Variants in PLCB1 observed in about 807,000 individuals in gnomAD.
PLCB1 encodes the protein phospholipase C beta 1, also known as 1-phosphatidylinositol 4,5-bisphosphate phosphodiesterase beta-1.
Under a neutral mutation model 161.8 loss-of-function variants are expected in PLCB1, and 46 were observed. The ratio of observed to expected loss-of-function variants is 0.28; its 90% CI spans 0.22 to 0.36. The LOEUF is 0.36. Among genes scored for constraint, PLCB1 ranks in the 10% least tolerant of loss-of-function variants. The pLI is 1.00. For synonymous variants in PLCB1, 517 were observed against 503.7 expected, an observed-to-expected ratio of 1.03 and a Z score of -0.35; for missense variants, 1,016 against 1,472.5, an observed-to-expected ratio of 0.69 and a Z score of 5.07.
At chr20:8,780,896 T>A (rs1983185299) in intron 27 of PLCB1, among the ~76,000 whole-genome samples, 1 of 152,218 alleles carries the variant, frequency 6.6e-6, no homozygotes, top group Non-Finnish European at 1.5e-5. Context: ...AACAAGATAA[T>A]GCACCTAAAA....
chr20:8,663,786 A>G (rs992517263), intron 9 of PLCB1, among the ~76,000 whole-genome samples: 30 of 152,132 alleles, frequency 2.0e-4, no homozygotes, highest in African/African-American at 7.2e-4. Flanking sequence ...TTTCCTTTCC[A>G]TCTTGTTTGC....
chr20:8,458,738 A>G (rs1981440207), intron 3 of PLCB1, among the ~76,000 whole-genome samples: 1 of 152,236 alleles, frequency 6.6e-6, no homozygotes, highest in African/African-American at 2.4e-5. Flanking sequence ...TGGACTCTTA[A>G]GTAAGTTCTT....
chr20:8,159,937 A>G (rs2051603904), intron 2 of PLCB1, among the ~76,000 whole-genome samples: 1 of 150,888 alleles, frequency 6.6e-6, no homozygotes. Context: ...GCAGTGAGCC[A>G]AGATCGTGCC....
chr20:8,769,831 A>T (rs953566845), intron 26 of PLCB1, among the ~76,000 whole-genome samples: 10 of 152,354 alleles, frequency 6.6e-5, no homozygotes, highest in African/African-American at 2.2e-4. Flanking sequence ...ATGCCAAGTT[A>T]TAGAGATAAG....
At chr20:8,240,351 T>A (rs1014191237) in intron 2 of PLCB1, among the ~76,000 whole-genome samples, 1 of 151,870 alleles carries the variant, frequency 6.6e-6, no homozygotes, top group Non-Finnish European at 1.5e-5. Flanking sequence ...TAATGTATGT[T>A]CAATACATAG....
intron 10 of PLCB1, among the ~76,000 whole-genome samples, chr20:8,687,204 T>C (rs1240609896): frequency 1.3e-5 from 2 of 152,046 alleles, no homozygotes; most frequent in Non-Finnish European, 2.9e-5. Flanking sequence ...TTTTTATTTC[T>C]TGTAAAGACA....
chr20:8,844,881 C>T (rs943257724), intron 31 of PLCB1, among the ~76,000 whole-genome samples: 13 of 151,948 alleles, frequency 8.6e-5, no homozygotes, highest in Non-Finnish European at 1.6e-4. Flanking sequence ...GAGGCCGAGG[C>T]GGGCGGATCA....
intron 3 of PLCB1, among the ~76,000 whole-genome samples, chr20:8,595,467 A>G (rs1257742627): frequency 1.8e-5 from 2 of 114,254 alleles, no homozygotes; most frequent in Non-Finnish European, 1.8e-5. Flanking sequence ...TCCATGGTGT[A>G]TATGTGCCAC....
chr20:8,606,349 C>A (rs983420199), intron 3 of PLCB1, among the ~76,000 whole-genome samples: 1 of 152,072 alleles, frequency 6.6e-6, no homozygotes, highest in Non-Finnish European at 1.5e-5. Context: ...CAACCAGGAG[C>A]ATAAACAGAG....
chr20:8,584,330 T>G lies in PLCB1; in HGVS notation c.247-43964T>G, dbSNP rs936291802. ...ATTACGTCAAACTCAAACATAGGTTTCAAAACCAGGACTTGTGCATACTTC... is the reference window on the plus strand; with the variant it reads ...ATTACGTCAAACTCAAACATAGGTTGCAAAACCAGGACTTGTGCATACTTC... On this transcript the variant is annotated intron_variant, in intron 3 of 31. Transcript: ENST00000338037. Among the ~76,000 whole-genome samples, 6 of 152,294 alleles carry G rather than the reference T, an allele frequency of 3.9e-5. No homozygotes were observed. The East Asian group carries it at 7.7e-4, about 20-fold the overall frequency.
chr20:8,315,044 G>A (rs1157876502), intron 2 of PLCB1, among the ~76,000 whole-genome samples: 3 of 152,162 alleles, frequency 2.0e-5, no homozygotes, highest in Non-Finnish European at 2.9e-5. Flanking sequence ...CAACAGGGAA[G>A]GAAGGATGGA....
At chr20:8,850,845 T>G (rs1316411939) in intron 31 of PLCB1, among the ~76,000 whole-genome samples, 1 of 152,232 alleles carries the variant, frequency 6.6e-6, no homozygotes, top group Non-Finnish European at 1.5e-5. Flanking sequence ...TCTAAGATAT[T>G]ATGTTATAGC....
intron 2 of PLCB1, among the ~76,000 whole-genome samples, chr20:8,187,627 T>TAA (rs146740003): frequency 0.02 from 3,078 of 152,250 alleles, 77 homozygotes; most frequent in African/African-American, 0.067. Context: ...CTTCTGCACT[T>TAA]AGACTTGTAG....
intron 3 of PLCB1, among the ~76,000 whole-genome samples, chr20:8,396,645 TAACAC>T (rs1266180221): frequency 3.3e-5 from 5 of 152,068 alleles, no homozygotes; most frequent in Non-Finnish European, 7.4e-5. Flanking sequence ...ATGCTACTGT[TAACAC>T]AAAAAGTTGC....
intron 9 of PLCB1, among the ~76,000 whole-genome samples, chr20:8,659,084 G>A (rs1036336533): frequency 2.0e-5 from 3 of 151,946 alleles, no homozygotes; most frequent in African/African-American, 7.3e-5. Flanking sequence ...TTCTAAAACT[G>A]AAGGGAATAT....
intron 24 of PLCB1, among the ~76,000 whole-genome samples, chr20:8,757,835 C>A (rs1212540364): frequency 6.6e-6 from 1 of 151,152 alleles, no homozygotes; most frequent in Non-Finnish European, 1.5e-5. Flanking sequence ...CAAAGCCACA[C>A]TCTTGTCTCA....
chr20:8,772,516 C>T (rs1055839548), intron 26 of PLCB1, among the ~76,000 whole-genome samples: 1 of 152,150 alleles, frequency 6.6e-6, no homozygotes, highest in African/African-American at 2.4e-5. Flanking sequence ...TACCGACTTA[C>T]TCGGATACGA....
chr20:8,789,646 C>A, intron 30 of PLCB1, 71 bp downstream of exon 30: 1 of 1,145,952 alleles, frequency 8.7e-7, no homozygotes, highest in Non-Finnish European at 1.3e-6. Flanking sequence ...CTGTGAGCTT[C>A]TGGAAGGAAA....
At chr20:8,453,659 A>G (rs1981171479) in intron 3 of PLCB1, among the ~76,000 whole-genome samples, 1 of 152,194 alleles carries the variant, frequency 6.6e-6, no homozygotes, top group Non-Finnish European at 1.5e-5. Context: ...GCAAAGGGTA[A>G]GGGGAGAGAG....
Sources: allele counts gnomAD v4.1 joint callset (sites outside exome capture counted in the v4.1 genomes callset), GRCh38; gene constraint gnomAD v4.1.1; transcripts MANE v1.5; gene names NCBI Gene and HGNC (gene_info 2026-07-23, HGNC 2026-07-21).